SIPA1L1: variants seen among roughly 807,000 people sequenced by gnomAD.
The protein encoded by SIPA1L1 is signal-induced proliferation-associated 1-like protein 1.
In SIPA1L1, 26 loss-of-function variants were observed where a neutral mutation model predicts 162.7. That is an observed-to-expected ratio of 0.16 (90% confidence interval 0.12 to 0.22). The LOEUF is 0.22. Among genes scored for constraint, SIPA1L1 ranks in the 10% least tolerant of loss-of-function variants. SIPA1L1 has a pLI of 1.00. For missense variants in SIPA1L1, 1,874 were observed against 2,241.0 expected (o/e 0.84, Z 3.31); for synonymous variants, 829 against 837.4 (o/e 0.99, Z 0.17).
chr14:71,387,904 A>G (rs1044200632), intron 2 of SIPA1L1, among the ~76,000 whole-genome samples: 6 of 152,246 alleles, frequency 3.9e-5, no homozygotes, highest in African/African-American at 1.4e-4. Flanking sequence ...GTATGATTCA[A>G]TTTGTTATGC....
chr14:71,487,220 C>T (rs2048840852), intron 2 of SIPA1L1, among the ~76,000 whole-genome samples: 1 of 152,202 alleles, frequency 6.6e-6, no homozygotes, highest in South Asian at 2.1e-4. Context: ...TTTCCCTCCC[C>T]TCCCCATCAC....
chr14:71,444,184 G>T (rs549682987), intron 2 of SIPA1L1, among the ~76,000 whole-genome samples: 1 of 152,258 alleles, frequency 6.6e-6, no homozygotes, highest in South Asian at 2.1e-4. Context: ...CATATACCTA[G>T]CAAGTACATT....
At chr14:71,417,469 CAAAAAAAAAAAAAAAAAAAAAAAAA>C (rs58628136) in intron 2 of SIPA1L1, among the ~76,000 whole-genome samples, 3 of 17,766 alleles carry the variant, frequency 1.7e-4, no homozygotes, top group South Asian at 3.3e-3. Context: ...GACTCCGTCT[CAAAAAAAAAAAAAAAAAAAAAAAAA>C]AAAAAAAAAG....
chr14:71,457,798 T>C (rs1361996844), intron 2 of SIPA1L1, among the ~76,000 whole-genome samples: 1 of 151,848 alleles, frequency 6.6e-6, no homozygotes, highest in East Asian at 1.9e-4. Context: ...GGTTTCACCA[T>C]GTTGCTCAGG....
chr14:71,417,979 A>G (rs1383552739), intron 2 of SIPA1L1, among the ~76,000 whole-genome samples: 1 of 152,208 alleles, frequency 6.6e-6, no homozygotes, highest in African/African-American at 2.4e-5. Context: ...TAAAGAAGAA[A>G]ATGATAGGAA....
chr14:71,483,294 A>T (rs1226576699), intron 2 of SIPA1L1, among the ~76,000 whole-genome samples: 2 of 152,242 alleles, frequency 1.3e-5, no homozygotes, highest in Non-Finnish European at 2.9e-5. Flanking sequence ...GCATTTGAGC[A>T]TGAAACTAGT....
intron 2 of SIPA1L1, among the ~76,000 whole-genome samples, chr14:71,342,534 A>G (rs1454309857): frequency 6.6e-6 from 1 of 152,226 alleles, no homozygotes; most frequent in African/African-American, 2.4e-5. Flanking sequence ...ATACAAGTGT[A>G]AGTTCAGTCT....
chr14:71,390,820 CA>C (rs2040685398), intron 2 of SIPA1L1, among the ~76,000 whole-genome samples: 1 of 151,988 alleles, frequency 6.6e-6, no homozygotes, highest in African/African-American at 2.4e-5. Flanking sequence ...CCCCACCATT[CA>C]GGAATCTGCT....
intron 4 of SIPA1L1, among the ~76,000 whole-genome samples, chr14:71,564,952 C>G (rs1324876663): frequency 6.6e-6 from 1 of 152,158 alleles, no homozygotes; most frequent in African/African-American, 2.4e-5. Context: ...TTCTCTTCAT[C>G]CAGTGAACCA....
At chr14:71,643,230 G>A (rs373099876) in intron 7 of SIPA1L1, among the ~76,000 whole-genome samples, 4 of 152,210 alleles carry the variant, frequency 2.6e-5, no homozygotes, top group South Asian at 4.2e-4. Flanking sequence ...ACTCCTAACA[G>A]CAGCCAAAGG....
At position 71,676,524 on chromosome 14, in the gene SIPA1L1, G is replaced by A. The variant is rs373043941; in HGVS notation, c.3104+3902G>A. 1.6e-4 allele frequency among the ~76,000 whole-genome samples: 23 copies of A among 147,044 alleles called. No homozygotes were observed. The South Asian group carries it at 3.0e-3, about 19-fold the overall frequency. On this transcript the variant is annotated intron_variant, in intron 12 of 23. Transcript: ENST00000381232. The stretch of plus-strand genomic sequence containing the variant: ...AAGTTCTAGGATACATGTGTGCAAC[G>A]TGCAGGTTTGTTACATATGTATACA...
intron 2 of SIPA1L1, among the ~76,000 whole-genome samples, chr14:71,452,591 A>T (rs946534724): frequency 1.3e-5 from 2 of 152,184 alleles, no homozygotes; most frequent in African/African-American, 4.8e-5. Flanking sequence ...ATTTGTTCAG[A>T]TTTAGTAGAC....
At chr14:71,517,935 T>C (rs1352057693) in intron 3 of SIPA1L1, among the ~76,000 whole-genome samples, 1 of 152,180 alleles carries the variant, frequency 6.6e-6, no homozygotes, top group Non-Finnish European at 1.5e-5. Flanking sequence ...TTTTATTTTC[T>C]TCATGGTATC....
rs183322190 is a variant in SIPA1L1 at position 71,570,616 on chromosome 14, T to C, written c.-302-16955T>C. On this transcript the variant is annotated intron_variant, in intron 4 of 23. Transcript: ENST00000381232. ...TTAAATACAAAAGGATAGCCAGTTA[T>C]AGCAGACATATTAGCAAAACTTAGC... 3.3e-5 allele frequency among the ~76,000 whole-genome samples: 5 copies of C among 152,248 alleles called. No individual in the cohort carries two copies. In the East Asian group the frequency reaches 5.8e-4, roughly 18 times the overall value.
Position 71,741,076 on chromosome 14 carries a change from T to C in SIPA1L1, c.*1915T>C, listed in dbSNP as rs190380272. 2.0e-5 allele frequency: 3 copies of C among 152,354 alleles called. No homozygotes were observed. The highest frequency in any genetic ancestry group is 2.9e-5 in the Non-Finnish European group (2 of 68,030). 9.4% of individuals were successfully genotyped at this position (152,354 alleles called of 1,614,324 possible). ...GGTATTATTGCTTGAGGTTTGCTTA[T>C]TTGAAAGACCACCCAATAACTCATT... is the stretch of plus-strand genomic sequence containing the variant. On this transcript the variant is annotated 3_prime_UTR_variant, in exon 24 of 24. Transcript: ENST00000381232.
chr14:71,622,840 A>G (rs776844794), intron 6 of SIPA1L1, among the ~76,000 whole-genome samples: 8 of 152,128 alleles, frequency 5.3e-5, no homozygotes, highest in Non-Finnish European at 1.2e-4. Context: ...TGAGGCGTGT[A>G]CCACTCAGTC....
intron 2 of SIPA1L1, among the ~76,000 whole-genome samples, chr14:71,422,614 C>T (rs1046122970): frequency 6.6e-6 from 1 of 152,170 alleles, no homozygotes. Context: ...TTTCACTTAC[C>T]ATAATGTCTG....
At chr14:71,721,417 G>C (rs980670469) in intron 17 of SIPA1L1, among the ~76,000 whole-genome samples, 2 of 152,220 alleles carry the variant, frequency 1.3e-5, no homozygotes, top group Non-Finnish European at 2.9e-5. Flanking sequence ...TCCCACCCAA[G>C]GCCCGTGGTG....
chr14:71,709,365 T>C lies in SIPA1L1; in HGVS notation c.3909T>C (p.Ala1303=), dbSNP rs878931870. 17 of 1,614,120 alleles carry C rather than the reference T, an allele frequency of 1.1e-5. No homozygotes were observed. The highest frequency in any genetic ancestry group is 1.4e-5 in the Non-Finnish European group (17 of 1,180,056). Reference sequence around the variant, plus strand: ...ATAACTATCTGCAAGGCACCTCTGCTGACAGTGGCATTGACACCACCTCTT... The same window carrying C: ...ATAACTATCTGCAAGGCACCTCTGCCGACAGTGGCATTGACACCACCTCTT... The part of the protein sequence containing the change: ...NSYNYLQGTS[A]DSGIDTTSYG... The change falls in exon 17 of 24, where the codon GCT becomes GCC. Residue 1303 remains alanine, a synonymous_variant. Transcript: ENST00000381232.
Sources: allele counts gnomAD v4.1 joint callset (sites outside exome capture counted in the v4.1 genomes callset), GRCh38; gene constraint gnomAD v4.1.1; transcripts MANE v1.5; gene names NCBI Gene and HGNC (gene_info 2026-07-23, HGNC 2026-07-21).